The following AUTS2 variants were observed in gnomAD, a reference collection of about 807,000 sequenced individuals.
The protein encoded by AUTS2 is activator of transcription and developmental regulator AUTS2, also known as autism susceptibility gene 2 protein.
In AUTS2, 17 loss-of-function variants were observed where a neutral mutation model predicts 112.4. The ratio of observed to expected loss-of-function variants is 0.15; its 90% confidence interval spans 0.10 to 0.23. The LOEUF (loss-of-function observed/expected upper bound fraction) is 0.23, where lower values mean the gene tolerates loss of function less well. AUTS2 is among the 10% of genes least tolerant of loss of function. The probability of loss-of-function intolerance (pLI) is 1.00; values close to 1 mark genes in which losing one functional copy is unlikely to be tolerated. For synonymous variants in AUTS2, 751 were observed against 702.7 expected (o/e 1.07, Z -1.09); for missense variants, 1,510 against 1,701.6 (o/e 0.89, Z 1.98).
chr7:69,966,791 G>C (rs1797651405), intron 2 of AUTS2, among the ~76,000 whole-genome samples: 1 of 152,056 alleles, frequency 6.6e-6, no homozygotes, highest in Admixed American at 6.6e-5. Flanking sequence ...ACTGAGTGCT[G>C]ATGCCATTTC....
intron 4 of AUTS2, among the ~76,000 whole-genome samples, chr7:70,184,564 T>TA (rs1453508931): frequency 6.6e-6 from 1 of 152,234 alleles, no homozygotes; most frequent in Non-Finnish European, 1.5e-5. Context: ...ATATATTTTT[T>TA]GGATGTATGA....
chr7:70,642,392 T>A (rs1034401444), intron 5 of AUTS2, among the ~76,000 whole-genome samples: 20 of 7,586 alleles, frequency 2.6e-3, no homozygotes, highest in African/African-American at 8.9e-3. Flanking sequence ...TCTTTTTCTA[T>A]CCTTCGTGCA....
At chr7:70,624,511 T>A (rs1804836993) in intron 5 of AUTS2, among the ~76,000 whole-genome samples, 1 of 152,208 alleles carries the variant, frequency 6.6e-6, no homozygotes, top group Admixed American at 6.5e-5. Context: ...GAATACAAAT[T>A]TTATTTTCAG....
Position 70,361,372 on chromosome 7 carries a change from A to G in AUTS2, c.661-74380A>G, listed in dbSNP as rs183176030. Among the ~76,000 whole-genome samples the G allele has an allele frequency of 8.5e-5, 13 of 152,242 alleles. No individual in the cohort carries two copies. The East Asian group carries it at 2.3e-3, about 27-fold the overall frequency. On this transcript the variant is annotated intron_variant, in intron 4 of 18. Transcript: ENST00000342771. Reference sequence around the variant, plus strand: ...GATTCTTGGAAAATCAAGTCAGATAATGACGATAGAGCAAAGTATTTTGCT... The same window carrying G: ...GATTCTTGGAAAATCAAGTCAGATAGTGACGATAGAGCAAAGTATTTTGCT...
In AUTS2 at chr7:70,411,249, A is replaced by T. The variant is rs1794764667; in HGVS notation, c.661-24503A>T. 2.0e-5 allele frequency among the ~76,000 whole-genome samples: 3 copies of T among 152,196 alleles called. No individual in the cohort carries two copies. In the South Asian group the frequency reaches 6.2e-4, roughly 32 times the overall value. ...TTAAAAAGGAAGAAGGGAGACGTGT[A>T]CCTGTAAAAGAGCACTGCTGGATGA... On this transcript the variant is annotated intron_variant, in intron 4 of 18. Transcript: ENST00000342771.
intron 2 of AUTS2, among the ~76,000 whole-genome samples, chr7:69,911,312 C>T (rs939686515): frequency 6.6e-6 from 1 of 152,214 alleles, no homozygotes; most frequent in Non-Finnish European, 1.5e-5. Flanking sequence ...ATACCAGGAA[C>T]CACAGAGCCC....
intron 1 of AUTS2, among the ~76,000 whole-genome samples, chr7:69,789,132 T>C (rs1355404073): frequency 6.6e-6 from 1 of 152,198 alleles, no homozygotes; most frequent in Admixed American, 6.5e-5. Flanking sequence ...GTGTTTACCT[T>C]ATATCAAGAA....
At chr7:69,872,834 CTTTT>C (rs1164356683) in intron 1 of AUTS2, among the ~76,000 whole-genome samples, 6 of 70,420 alleles carry the variant, frequency 8.5e-5, no homozygotes, top group East Asian at 8.7e-4. Context: ...AGCCTATATT[CTTTT>C]TTTTTTTTTT....
At chr7:70,013,881 C>A (rs2129554506) in intron 2 of AUTS2, among the ~76,000 whole-genome samples, 1 of 152,224 alleles carries the variant, frequency 6.6e-6, no homozygotes, top group South Asian at 2.1e-4. Flanking sequence ...CCACGCCCGG[C>A]TAATGTTTTG....
intron 4 of AUTS2, among the ~76,000 whole-genome samples, chr7:70,216,378 C>T (rs1307026363): frequency 1.3e-5 from 2 of 152,134 alleles, no homozygotes; most frequent in Admixed American, 6.6e-5. Context: ...TAAATCATTT[C>T]ACTCCATTTC....
At chr7:70,728,292 G>A (rs1414341740) in intron 6 of AUTS2, among the ~76,000 whole-genome samples, 1 of 152,208 alleles carries the variant, frequency 6.6e-6, no homozygotes, top group African/African-American at 2.4e-5. Context: ...AGTTAGAAGA[G>A]AATCCTAAAC....
intron 1 of AUTS2, among the ~76,000 whole-genome samples, chr7:69,853,095 A>T (rs188557522): frequency 6.6e-6 from 1 of 152,278 alleles, no homozygotes; most frequent in East Asian, 1.9e-4. Flanking sequence ...TTTAAAAAAA[A>T]ATGTGGCTTA....
At chr7:70,226,572 C>G (rs1323758145) in intron 4 of AUTS2, among the ~76,000 whole-genome samples, 8 of 151,956 alleles carry the variant, frequency 5.3e-5, no homozygotes, top group Admixed American at 4.6e-4. Flanking sequence ...CAGGCCACTT[C>G]AGATAACCCA....
At chr7:70,346,101 C>T (rs1294473906) in intron 4 of AUTS2, among the ~76,000 whole-genome samples, 3 of 152,104 alleles carry the variant, frequency 2.0e-5, no homozygotes. Flanking sequence ...TCTGCTTTTC[C>T]AAAAACTATT....
At chr7:69,948,144 G>A (rs1005513035) in intron 2 of AUTS2, among the ~76,000 whole-genome samples, 12 of 152,148 alleles carry the variant, frequency 7.9e-5, no homozygotes, top group African/African-American at 2.7e-4. Flanking sequence ...TGTGCCCAGC[G>A]GTAGCCCAGT....
At position 70,789,937 on chromosome 7, in the gene AUTS2, C is replaced by G. The variant is rs369119031; in HGVS notation, c.2721C>G (p.Asp907Glu). The G allele has an allele frequency of 1.9e-6, 3 of 1,613,986 alleles. No homozygotes were observed. Among genetic ancestry groups the G allele is most frequent in the African/African-American group, 1.3e-5 (1 of 75,042 alleles). The change falls in exon 19 of 19, where the codon GAC becomes GAG. Residue 907 changes from aspartate (D) to glutamate (E), a missense_variant. Asp to Glu is a conservative substitution (Grantham distance 45). This residue lies in a region of AUTS2 where 788 missense variants were observed against 797.6 expected (regional missense o/e 0.99). Coordinates refer to ENST00000342771, the MANE Select transcript of AUTS2 (RefSeq NM_015570.4). ...AATCCCGCAAGGACCTGGCCGCCGACGAGCACAAGGCGAAAGAGGGCCACC... is the reference window on the plus strand; with the variant it reads ...AATCCCGCAAGGACCTGGCCGCCGAGGAGCACAAGGCGAAAGAGGGCCACC... ...HSESRKDLAA[D>E]EHKAKEGHLP...
chr7:70,005,488 T>C (rs1482119625), intron 2 of AUTS2, among the ~76,000 whole-genome samples: 1 of 152,314 alleles, frequency 6.6e-6, no homozygotes, highest in East Asian at 1.9e-4. Context: ...AAATGACCTC[T>C]TCCCTTGTGA....
chr7:69,685,914 A>C (rs906520822), intron 1 of AUTS2, among the ~76,000 whole-genome samples: 2 of 152,058 alleles, frequency 1.3e-5, no homozygotes, highest in African/African-American at 4.8e-5. Flanking sequence ...ATAAAACAAT[A>C]ATCTTTAGAG....
chr7:70,675,634 C>T (rs1276554222), intron 5 of AUTS2, among the ~76,000 whole-genome samples: 1 of 152,222 alleles, frequency 6.6e-6, no homozygotes, highest in Non-Finnish European at 1.5e-5. Context: ...TTTGTCTCTG[C>T]TCCACCATGA....
Sources: gnomAD v4.1 joint callset for allele counts (sites outside exome capture counted in the v4.1 genomes callset) on GRCh38, gnomAD v4.1.1 for gene constraint, gnomAD v4.1.1 regional missense constraint, MANE v1.5 for transcripts, NCBI Gene and HGNC (gene_info 2026-07-23, HGNC 2026-07-21) for gene names.